CSMD2: variants seen among roughly 807,000 people sequenced by gnomAD.
The protein encoded by CSMD2 is CUB and sushi domain-containing protein 2.
Under a neutral mutation model 398.5 loss-of-function variants are expected in CSMD2, and 130 were observed. The observed-to-expected ratio is 0.33, with a 90% CI of 0.28 to 0.38. The LOEUF (loss-of-function observed/expected upper bound fraction) is 0.38, where lower values mean the gene tolerates loss of function less well. CSMD2 is among the 10% of genes least tolerant of loss of function. The probability of loss-of-function intolerance (pLI) is 1.00; values close to 1 mark genes in which losing one functional copy is unlikely to be tolerated. For missense variants in CSMD2, 3,829 were observed against 4,764.9 expected (o/e 0.80, Z 5.78); for synonymous variants, 1,828 against 1,908.5 (o/e 0.96, Z 1.10).
At position 33,972,258 on chromosome 1, in the gene CSMD2, A is replaced by G. The variant is rs182424014; in HGVS notation, c.518-36304T>C. On this transcript the variant is annotated intron_variant, in intron 3 of 70. Coordinates refer to ENST00000373381, the MANE Select transcript of CSMD2 (RefSeq NM_001281956.2). ...AGCCAGGTCCCTGTGATACTTTGAC[A>G]GCACAGTGCTGCTTTGTGGCTGGTG... Among the ~76,000 whole-genome samples, 475 of 152,306 alleles carry G rather than the reference A, an allele frequency of 3.1e-3. 6 individuals are homozygous for G. The highest frequency in any genetic ancestry group is 2.7e-3 in the Admixed American group (41 of 15,302).
intron 53 of CSMD2, among the ~76,000 whole-genome samples, chr1:33,561,462 T>C (rs979869107): frequency 1.3e-5 from 2 of 152,216 alleles, no homozygotes; most frequent in African/African-American, 2.4e-5. Context: ...GCTTTGAAAA[T>C]AGATTCAATT....
At chr1:33,738,154 G>A (rs1381254554) in intron 15 of CSMD2, among the ~76,000 whole-genome samples, 1 of 152,114 alleles carries the variant, frequency 6.6e-6, no homozygotes, top group South Asian at 2.1e-4. Context: ...ACTATGCCCA[G>A]ATTTGAGTTT....
chr1:34,050,695 G>C (rs1278150821), intron 2 of CSMD2, among the ~76,000 whole-genome samples: 1 of 152,208 alleles, frequency 6.6e-6, no homozygotes, highest in Non-Finnish European at 1.5e-5. Context: ...TCAAGGGATG[G>C]AAATAGGAGT....
intron 12 of CSMD2, 89 bp downstream of exon 12, chr1:33,788,511 A>C: frequency 1.4e-5 from 10 of 693,280 alleles, no homozygotes; most frequent in Non-Finnish European, 1.6e-5. Context: ...CCGTCTCAAA[A>C]AAAAAAAAAA....
At position 33,600,967 on chromosome 1, in the gene CSMD2, G is replaced by A. The variant is rs114879806; in HGVS notation, c.6754C>T (p.Arg2252Trp). 9,132 of 1,614,128 alleles carry A rather than the reference G, an allele frequency of 5.7e-3. 34 individuals carry two copies. Among genetic ancestry groups the A allele is most frequent in the Non-Finnish European group, 7.0e-3 (8,229 of 1,180,024 alleles). Residue 2252 changes from arginine to tryptophan, a missense_variant, in exon 44 of 71, where the codon CGG becomes TGG. By Grantham distance (101) the Arg-to-Trp change is moderately radical. Coordinates refer to ENST00000373381, the MANE Select transcript of CSMD2 (RefSeq NM_001281956.2). The part of the protein sequence containing the change: ...QTAPRLGVFT[R>W]SMAKKTVQSS... ...TGCACTGTTTTCTTGGCCATGCTCC[G>A]GGTGAAGACGCCGAGCCGTGGTGCT...
intron 13 of CSMD2, among the ~76,000 whole-genome samples, chr1:33,747,703 C>T (rs1647580179): frequency 6.6e-6 from 1 of 152,186 alleles, no homozygotes; most frequent in Admixed American, 6.5e-5. Context: ...TGGGACAAAA[C>T]ACACAGCTAA....
chr1:33,774,132 TGTGTG>T (rs1651652063), intron 12 of CSMD2, among the ~76,000 whole-genome samples: 1 of 150,782 alleles, frequency 6.6e-6, no homozygotes, highest in Admixed American at 6.6e-5. Flanking sequence ...TGTGTGTGTG[TGTGTG>T]TGTGTGTGTG....
At chr1:34,135,612 A>G (rs2994603) in intron 1 of CSMD2, among the ~76,000 whole-genome samples, 86,431 of 115,404 alleles carry the variant, frequency 0.75, 32,076 homozygotes, top group Admixed American at 0.83. Flanking sequence ...GCAAGACTCC[A>G]TCTCAAAAAA....
rs147984821 is a variant in CSMD2, at chr1:33,739,219, C to T, written c.2289G>A (p.Gly763=). 1 of 1,614,088 alleles carries T rather than the reference C, an allele frequency of 6.2e-7. No homozygotes were observed. The highest frequency in any genetic ancestry group is 1.3e-5 in the African/African-American group (1 of 74,932). ...ISFLCDEGFL[G]TQGSETITCV... is the part of the protein sequence containing the mutation. ...AGGTGATGGTCTCTGAGCCCTGAGTCCCAAGGAAGCCTTCATCACAGAGGA... is the reference window on the plus strand; with the variant it reads ...AGGTGATGGTCTCTGAGCCCTGAGTTCCAAGGAAGCCTTCATCACAGAGGA... The change falls in exon 15 of 71, where the codon GGG becomes GGA. Residue 763 remains glycine, a synonymous_variant. Transcript: ENST00000373381.
intron 47 of CSMD2, among the ~76,000 whole-genome samples, chr1:33,582,157 A>C (rs930463743): frequency 2.6e-5 from 4 of 152,156 alleles, no homozygotes; most frequent in East Asian, 1.9e-4. Context: ...TGGGCTCCCT[A>C]GCAGTAATGG....
intron 5 of CSMD2, among the ~76,000 whole-genome samples, chr1:33,881,578 TGAA>T (rs1641244064): frequency 6.6e-6 from 1 of 152,142 alleles, no homozygotes; most frequent in Admixed American, 6.5e-5. Flanking sequence ...TGTGGGGAAC[TGAA>T]GATGATGGGG....
chr1:33,592,440 A>G (rs980407510), intron 44 of CSMD2: 3 of 716,434 alleles, frequency 4.2e-6, no homozygotes, highest in African/African-American at 3.5e-5. Flanking sequence ...GCTGGGGGGC[A>G]GATGTGTGCG....
At chr1:33,725,803 A>G (rs2149206631) in intron 16 of CSMD2, among the ~76,000 whole-genome samples, 1 of 152,302 alleles carries the variant, frequency 6.6e-6, no homozygotes, top group South Asian at 2.1e-4. Context: ...TAGAGGCACA[A>G]TGACTAGCCT....
At chr1:33,535,087 C>A (rs1235268824) in intron 62 of CSMD2, among the ~76,000 whole-genome samples, 2 of 152,212 alleles carry the variant, frequency 1.3e-5, no homozygotes, top group Non-Finnish European at 2.9e-5. Flanking sequence ...CTTATCATGG[C>A]TTCAAGGCCC....
At chr1:33,889,992 C>CAT (rs1641880443) in intron 5 of CSMD2, among the ~76,000 whole-genome samples, 1 of 151,866 alleles carries the variant, frequency 6.6e-6, no homozygotes, top group Non-Finnish European at 1.5e-5. Flanking sequence ...CATACACACA[C>CAT]ACTCACACAA....
intron 5 of CSMD2, among the ~76,000 whole-genome samples, chr1:33,893,871 C>T (rs1642209258): frequency 6.6e-6 from 1 of 152,196 alleles, no homozygotes; most frequent in South Asian, 2.1e-4. Context: ...AGCTAGCAGG[C>T]AGCCATGCCT....
chr1:33,581,116 C>G (rs1475175553), intron 47 of CSMD2, among the ~76,000 whole-genome samples: 1 of 140,872 alleles, frequency 7.1e-6, no homozygotes, highest in African/African-American at 3.2e-5. Context: ...CTGCCTACCT[C>G]TAGGGGCTGG....
At chr1:33,857,814 G>A (rs939791571) in intron 5 of CSMD2, among the ~76,000 whole-genome samples, 5 of 152,164 alleles carry the variant, frequency 3.3e-5, no homozygotes, top group African/African-American at 1.2e-4. Context: ...GGAGTGCTAG[G>A]CAGACAAAAC....
intron 2 of CSMD2, among the ~76,000 whole-genome samples, chr1:34,087,699 T>C (rs1489472791): frequency 6.6e-6 from 1 of 151,842 alleles, no homozygotes; most frequent in East Asian, 1.9e-4. Flanking sequence ...CTGTGTGCTT[T>C]GTCTTCATAG....
Sources: allele counts gnomAD v4.1 joint callset (sites outside exome capture counted in the v4.1 genomes callset), GRCh38; gene constraint gnomAD v4.1.1; transcripts MANE v1.5; gene names NCBI Gene and HGNC (gene_info 2026-07-23, HGNC 2026-07-21).